Variants in PSD3 observed in about 807,000 individuals in gnomAD.
PSD3 encodes pleckstrin and Sec7 domain containing 3.
Under a neutral mutation model 105.5 loss-of-function variants are expected in PSD3, and 49 were observed. The ratio of observed to expected loss-of-function variants is 0.46; its 90% CI spans 0.37 to 0.59. The LOEUF is 0.59. Among genes scored for constraint, PSD3 ranks in the 20% least tolerant of loss-of-function variants. PSD3 has a pLI of 0.00. For synonymous variants in PSD3, 557 were observed against 457.8 expected, an observed-to-expected ratio of 1.22 and a Z score of -2.77; for missense variants, 1,561 against 1,263.8, an observed-to-expected ratio of 1.24 and a Z score of -3.57.
intron 9 of PSD3, among the ~76,000 whole-genome samples, chr8:18,714,916 G>A (rs746145214): frequency 6.6e-6 from 1 of 152,156 alleles, no homozygotes; most frequent in Non-Finnish European, 1.5e-5. Flanking sequence ...TACAGAAAAC[G>A]TGGCACATAT....
intron 2 of PSD3, among the ~76,000 whole-genome samples, chr8:18,899,136 G>A (rs1015371637): frequency 6.6e-6 from 1 of 152,084 alleles, no homozygotes; most frequent in Non-Finnish European, 1.5e-5. Context: ...CTTCTTCCAC[G>A]TCTTTTTCCT....
chr8:18,636,634 A>G (rs62495768), intron 10 of PSD3, among the ~76,000 whole-genome samples: 39,291 of 152,056 alleles, frequency 0.26, 6,324 homozygotes, highest in Non-Finnish European at 0.33. Flanking sequence ...TTCATGGTAA[A>G]GTGCCCTAAA....
At chr8:18,737,777 T>C (rs2129433466) in intron 9 of PSD3, among the ~76,000 whole-genome samples, 1 of 152,318 alleles carries the variant, frequency 6.6e-6, no homozygotes, top group African/African-American at 2.4e-5. Context: ...AAAGACATTA[T>C]TTCACTGAAC....
intron 1 of PSD3, among the ~76,000 whole-genome samples, chr8:18,955,070 T>C (rs1310248571): frequency 2.6e-5 from 4 of 152,196 alleles, no homozygotes; most frequent in Non-Finnish European, 4.4e-5. Context: ...CTTCAAATGT[T>C]AGTGGCTTAA....
intron 3 of PSD3, among the ~76,000 whole-genome samples, chr8:18,871,393 T>A (rs1284789357): frequency 6.6e-6 from 1 of 150,528 alleles, no homozygotes; most frequent in Non-Finnish European, 1.5e-5. Context: ...TTCAGAACTC[T>A]GTTTCCCTGG....
chr8:18,935,270 A>C (rs1055694939), intron 2 of PSD3, among the ~76,000 whole-genome samples: 1 of 152,216 alleles, frequency 6.6e-6, no homozygotes, highest in Admixed American at 6.5e-5. Flanking sequence ...TTAGGCCAAT[A>C]CTAAAAAGTA....
At chr8:18,762,592 A>G (rs1806630801) in intron 9 of PSD3, among the ~76,000 whole-genome samples, 1 of 152,170 alleles carries the variant, frequency 6.6e-6, no homozygotes, top group Admixed American at 6.5e-5. Flanking sequence ...TATTACACAT[A>G]TCCATATCTT....
intron 1 of PSD3, among the ~76,000 whole-genome samples, chr8:19,049,390 C>T (rs1828436902): frequency 6.6e-6 from 1 of 152,136 alleles, no homozygotes; most frequent in Non-Finnish European, 1.5e-5. Flanking sequence ...CCTTTACAAT[C>T]TATGAGAAAG....
rs1808775678 is a variant in PSD3, at chr8:18,654,882, C to G, written c.2216+760G>C. On this transcript the variant is annotated intron_variant, in intron 10 of 15. Coordinates refer to ENST00000327040, the MANE Select transcript of PSD3 (RefSeq NM_015310.4). ...ATCAGTGTCCTAGTATGATTAGTATCATAGGAAATAAACCTGGAAAGCCAT... is the reference window on the plus strand; with the variant it reads ...ATCAGTGTCCTAGTATGATTAGTATGATAGGAAATAAACCTGGAAAGCCAT... Among the ~76,000 whole-genome samples the G allele has an allele frequency of 4.6e-5, 7 of 152,122 alleles. No homozygotes were observed. The South Asian group carries it at 1.5e-3, about 32-fold the overall frequency.
At chr8:18,707,844 A>G (rs1343281402) in intron 9 of PSD3, among the ~76,000 whole-genome samples, 1 of 152,250 alleles carries the variant, frequency 6.6e-6, no homozygotes, top group Non-Finnish European at 1.5e-5. Flanking sequence ...GCCTGAATCA[A>G]ACAGACAGAT....
chr8:18,763,593 A>G (rs1156806291), intron 9 of PSD3, among the ~76,000 whole-genome samples: 2 of 152,168 alleles, frequency 1.3e-5, no homozygotes, highest in East Asian at 3.9e-4. Flanking sequence ...AGAAAGCCAA[A>G]GAGAAAGTAA....
At chr8:18,901,387 A>G (rs552292420) in intron 2 of PSD3, among the ~76,000 whole-genome samples, 91 of 152,330 alleles carry the variant, frequency 6.0e-4, no homozygotes, top group Non-Finnish European at 1.0e-3. Context: ...TAGCCAGTCT[A>G]TATCTTTTAA....
intron 10 of PSD3, among the ~76,000 whole-genome samples, chr8:18,638,455 C>T (rs6989964): frequency 0.41 from 62,322 of 151,656 alleles, 13,108 homozygotes; most frequent in Middle Eastern, 0.53. Context: ...GATTAAAAAA[C>T]CAACACACAA....
At chr8:18,600,630 T>G (rs1387179) in intron 11 of PSD3, among the ~76,000 whole-genome samples, 196 bp from the exon 12 acceptor site, 1 of 151,970 alleles carries the variant, frequency 6.6e-6, no homozygotes, top group Non-Finnish European at 1.5e-5. Flanking sequence ...GATCTTAATA[T>G]TTACAATGCT....
intron 1 of PSD3, among the ~76,000 whole-genome samples, chr8:19,061,961 G>T (rs1017123316): frequency 2.0e-5 from 3 of 152,030 alleles, no homozygotes; most frequent in Non-Finnish European, 4.4e-5. Context: ...CTCCCCATCT[G>T]GGTAAAATTT....
intron 9 of PSD3, among the ~76,000 whole-genome samples, chr8:18,761,348 C>G (rs1200437331): frequency 6.6e-6 from 1 of 152,146 alleles, no homozygotes; most frequent in Non-Finnish European, 1.5e-5. Flanking sequence ...AGTCTTAAAA[C>G]CAGATACCTG....
At chr8:18,633,529 T>G (rs927660039) in intron 10 of PSD3, among the ~76,000 whole-genome samples, 1 of 152,140 alleles carries the variant, frequency 6.6e-6, no homozygotes, top group Non-Finnish European at 1.5e-5. Flanking sequence ...TCTGTTCCTG[T>G]ATTAATTCGC....
chr8:18,630,571 T>C (rs1432746772), intron 11 of PSD3, among the ~76,000 whole-genome samples: 20 of 151,982 alleles, frequency 1.3e-4, no homozygotes, highest in Non-Finnish European at 1.0e-4. Context: ...AACTGTGCTA[T>C]ATACCTGTCT....
intron 1 of PSD3, among the ~76,000 whole-genome samples, chr8:19,079,059 T>A (rs369886361): frequency 1.1e-3 from 161 of 152,092 alleles, no homozygotes; most frequent in African/African-American, 3.8e-3. Flanking sequence ...TGGATCCAGA[T>A]GCTAAACTTC....
Sources: allele counts gnomAD v4.1 joint callset (sites outside exome capture counted in the v4.1 genomes callset), GRCh38; gene constraint gnomAD v4.1.1; transcripts MANE v1.5; gene names NCBI Gene and HGNC (gene_info 2026-07-23, HGNC 2026-07-21).